The following HINT3 variants were observed in gnomAD, a reference collection of about 807,000 sequenced individuals.
HINT3 encodes adenosine 5'-monophosphoramidase HINT3.
HINT3 carries 16 observed loss-of-function variants against 19.1 expected under a neutral mutation model. That is an observed-to-expected ratio of 0.84 (90% CI 0.57 to 1.27). The LOEUF (loss-of-function observed/expected upper bound fraction) is 1.27. Ranked by LOEUF, HINT3 falls within the 50% of genes most tolerant of loss-of-function variation. HINT3 has a pLI of 0.00. For synonymous variants in HINT3, 75 were observed against 84.8 expected (o/e 0.88, Z 0.63); for missense variants, 197 against 225.8 (o/e 0.87, Z 0.82).
At position 125,962,233 on chromosome 6, in the gene HINT3, T is replaced by TATAC. The variant is rs1554209736; in HGVS notation, c.202-4653_202-4652insTACA. 3.4e-4 allele frequency among the ~76,000 whole-genome samples: 7 copies of TATAC among 20,706 alleles called. 1 individual carries two copies. Among genetic ancestry groups the TATAC allele is most frequent in the African/African-American group, 9.7e-4 (3 of 3,094 alleles). The allele number at this position is 20,706 out of a possible 152,430, so 13.6% of individuals were successfully genotyped here. A position where few individuals can be genotyped will look rare whatever the true frequency, so the allele number is the denominator to read the frequency against. On this transcript the variant is annotated intron_variant, in intron 1 of 4. Transcript: ENST00000229633. ...ATACACATATATATATATATATATA[T>TATAC]ACACATATATATATATACACACATA...
chr6:125,963,195 C>T (rs141036088), intron 1 of HINT3, among the ~76,000 whole-genome samples: 40 of 152,260 alleles, frequency 2.6e-4, no homozygotes, highest in African/African-American at 8.4e-4. Flanking sequence ...GCTGGGTCCA[C>T]GCTGGCAGCT....
chr6:125,957,043 A>T lies in HINT3; in HGVS notation c.66A>T (p.Ala22=). 6.4e-7 allele frequency: 1 copy of T among 1,550,812 alleles called. No individual in the cohort carries two copies. The highest frequency in any genetic ancestry group is 8.7e-7 in the Non-Finnish European group (1 of 1,146,866). The part of the protein sequence containing the change: ...LAPDCEASAT[A]ETTVSSVGTC... The stretch of plus-strand genomic sequence containing the variant: ...CCGACTGTGAGGCCTCGGCGACTGC[A>T]GAAACTACGGTTTCCTCAGTGGGGA... The change falls in exon 1 of 5, where the codon GCA becomes GCT. Residue 22 remains alanine (A), a synonymous_variant. Coordinates refer to ENST00000229633, the MANE Select transcript of HINT3 (RefSeq NM_138571.5).
intron 1 of HINT3, among the ~76,000 whole-genome samples, chr6:125,962,291 TATATATATATATATATCACAC>T: frequency 1.5e-4 from 4 of 26,044 alleles, no homozygotes; most frequent in African/African-American, 9.2e-4. Flanking sequence ...TATATACACA[TATATATATATATATATCACAC>T]ATATATATAT....
rs1336269674 is a variant in HINT3, at chr6:125,979,372, C to T, written c.*1696C>T. On this transcript the variant is annotated 3_prime_UTR_variant, in exon 5 of 5. Coordinates refer to ENST00000229633, the MANE Select transcript of HINT3 (RefSeq NM_138571.5). The stretch of plus-strand genomic sequence containing the variant: ...AAATCAGTTAGAATATGACTAGCTT[C>T]AGGGAAGGAATTTTCAACAACTGCA... 1 of 152,136 alleles carries T rather than the reference C, an allele frequency of 6.6e-6. No individual in the cohort carries two copies. Among genetic ancestry groups the T allele is most frequent in the Non-Finnish European group, 1.5e-5 (1 of 68,020 alleles). The allele number at this position is 152,136 out of a possible 1,614,324, so 9.4% of individuals were successfully genotyped here.
chr6:125,970,897 T>A (rs1347548517), intron 2 of HINT3, among the ~76,000 whole-genome samples: 1 of 151,884 alleles, frequency 6.6e-6, no homozygotes, highest in Non-Finnish European at 1.5e-5. Context: ...AATTTGGAGC[T>A]TTTTTTTGGA....
chr6:125,979,446 A>G lies in HINT3; in HGVS notation c.*1770A>G, dbSNP rs1032901744. The G allele has an allele frequency of 5.3e-5, 8 of 152,208 alleles. No individual in the cohort carries two copies. Among genetic ancestry groups the G allele is most frequent in the African/African-American group, 1.9e-4 (8 of 41,460 alleles). 9.4% of individuals were successfully genotyped at this position (152,208 alleles called of 1,614,324 possible). A position where few individuals can be genotyped will look rare whatever the true frequency, so the allele number is the denominator to read the frequency against. On this transcript the variant is annotated 3_prime_UTR_variant, in exon 5 of 5. Transcript: ENST00000229633. ...AACTTGCAGTGATATAATTGACAAC[A>G]TTATTTAACAATAATAGGTAAAGTA...
chr6:125,971,758 G>A (rs1292861707), intron 2 of HINT3, among the ~76,000 whole-genome samples: 2 of 130,254 alleles, frequency 1.5e-5, no homozygotes, highest in South Asian at 2.5e-4. Context: ...TCACCAGGCT[G>A]GAGTGCAGTG....
intron 2 of HINT3, among the ~76,000 whole-genome samples, chr6:125,967,486 A>C (rs1789036055): frequency 6.6e-6 from 1 of 151,712 alleles, no homozygotes; most frequent in East Asian, 1.9e-4. Flanking sequence ...CATGCGCCAC[A>C]ATGTCTGGCT....
chr6:125,957,318 G>T (rs1788854753), intron 1 of HINT3, 140 bp downstream of exon 1: 1 of 925,586 alleles, frequency 1.1e-6, no homozygotes. Flanking sequence ...CGCTCTGTGT[G>T]GATGGGGCTC....
rs867655189 is a variant in HINT3 at position 125,979,851 on chromosome 6, A to G, written c.*2175A>G. The G allele has an allele frequency of 6.6e-6, 1 of 152,202 alleles. No homozygotes were observed. The highest frequency in any genetic ancestry group is 1.9e-4 in the East Asian group (1 of 5,198). The allele number at this position is 152,202 out of a possible 1,614,324, so 9.4% of individuals were successfully genotyped here. A position where few individuals can be genotyped will look rare whatever the true frequency, so the allele number is the denominator to read the frequency against. On this transcript the variant is annotated 3_prime_UTR_variant, in exon 5 of 5. Coordinates refer to ENST00000229633, the MANE Select transcript of HINT3 (RefSeq NM_138571.5). ...TGGTTAGCCAATTGATTCAACTTTT[A>G]TAGGTTTATATGCTCTCATGTAAAC...
Position 125,977,731 on chromosome 6 carries a change from A to C in HINT3, c.*55A>C, listed in dbSNP as rs1789198749. The C allele has an allele frequency of 4.6e-6, 5 of 1,090,670 alleles. No individual in the cohort carries two copies. Among genetic ancestry groups the C allele is most frequent in the Middle Eastern group, 2.1e-4 (1 of 4,800 alleles). The allele number at this position is 1,090,670 out of a possible 1,614,324, so 67.6% of individuals were successfully genotyped here. On this transcript the variant is annotated 3_prime_UTR_variant, in exon 5 of 5. Coordinates refer to ENST00000229633, the MANE Select transcript of HINT3 (RefSeq NM_138571.5). ...CTTGGTTCAGCATGAAGTGGTATTT[A>C]GGTCCCTTTTAAGTCTAATTGCAAT...
At chr6:125,973,658 A>C (rs1459371547) in intron 3 of HINT3, among the ~76,000 whole-genome samples, 2 of 152,118 alleles carry the variant, frequency 1.3e-5, no homozygotes, top group Non-Finnish European at 2.9e-5. Flanking sequence ...ATCCTCCAAA[A>C]ACTGTTAAGT....
At chr6:125,961,355 C>G (rs1788922806) in intron 1 of HINT3, among the ~76,000 whole-genome samples, 1 of 152,152 alleles carries the variant, frequency 6.6e-6, no homozygotes, top group Non-Finnish European at 1.5e-5. Context: ...CAGCAGACAC[C>G]AGCTGGTTGT....
At chr6:125,965,614 C>A (rs1001293297) in intron 1 of HINT3, among the ~76,000 whole-genome samples, 1 of 151,794 alleles carries the variant, frequency 6.6e-6, no homozygotes, top group Admixed American at 6.6e-5. Context: ...ATATATATAG[C>A]CTGGCATGGT....
intron 2 of HINT3, among the ~76,000 whole-genome samples, chr6:125,969,311 C>T (rs944554949): frequency 6.6e-6 from 1 of 152,176 alleles, no homozygotes; most frequent in Non-Finnish European, 1.5e-5. Flanking sequence ...GATCAGATGG[C>T]TGCAGGTATG....
At chr6:125,976,964 C>T (rs771076894) in intron 4 of HINT3, among the ~76,000 whole-genome samples, 18 of 152,070 alleles carry the variant, frequency 1.2e-4, no homozygotes, top group Non-Finnish European at 2.4e-4. Flanking sequence ...CTACAGAGTT[C>T]CCACGCACCC....
chr6:125,971,468 CTTTA>C (rs935522491), intron 2 of HINT3, among the ~76,000 whole-genome samples: 4 of 152,242 alleles, frequency 2.6e-5, no homozygotes, highest in African/African-American at 7.2e-5. Context: ...CAATTTGAAA[CTTTA>C]TTTCAGTTGT....
chr6:125,966,954 A>G lies in HINT3; in HGVS notation c.269A>G (p.Lys90Arg). Residue 90 changes from lysine (K) to arginine (R), a missense_variant, in exon 2 of 5, where the codon AAG (lysine) becomes AGG (arginine). By Grantham distance (26) the Lys-to-Arg change is conservative. Transcript: ENST00000229633. ...ACTCATCATTATCTTGTGGTGCCAA[A>G]GAAGCATATTGGAAACTGCAGAACT... ...AATHHYLVVP[K>R]KHIGNCRTLR... 1.9e-6 allele frequency: 3 copies of G among 1,613,426 alleles called. No homozygotes were observed. Among genetic ancestry groups the G allele is most frequent in the East Asian group, 2.2e-5 (1 of 44,790 alleles).
chr6:125,960,671 A>AGGGGAGGGGG (rs1562211533), intron 1 of HINT3, among the ~76,000 whole-genome samples: 1 of 92,472 alleles, frequency 1.1e-5, no homozygotes, highest in Non-Finnish European at 2.2e-5. Context: ...GGGGGAAAAA[A>AGGGGAGGGGG]AAAGAAGTTA....
Sources: allele counts gnomAD v4.1 joint callset (sites outside exome capture counted in the v4.1 genomes callset), GRCh38; gene constraint gnomAD v4.1.1; transcripts MANE v1.5; gene names NCBI Gene and HGNC (gene_info 2026-07-23, HGNC 2026-07-21).